The following CYP3A43 variants were observed in gnomAD, a reference collection of about 807,000 sequenced individuals.
The protein encoded by CYP3A43 is cytochrome P450 family 3 subfamily A member 43.
A neutral mutation model predicts 58.0 loss-of-function variants in CYP3A43; 45 were observed. The ratio of observed to expected loss-of-function variants is 0.78; its 90% CI spans 0.61 to 0.99. CYP3A43 has a LOEUF of 0.99. CYP3A43 is among the 50% of genes least tolerant of loss of function. The pLI is 0.00. For synonymous variants in CYP3A43, 191 were observed against 201.4 expected (o/e 0.95, Z 0.44); for missense variants, 593 against 591.9 (o/e 1.00, Z -0.02).
intron 10 of CYP3A43, 75 bp downstream of exon 10, chr7:99,860,065 G>C (rs986192640): frequency 6.0e-6 from 9 of 1,511,612 alleles, no homozygotes; most frequent in Non-Finnish European, 7.1e-6. Context: ...CACTTGCCAG[G>C]ACAATTTTTG....
At chr7:99,836,282 T>A (rs1161905488) in intron 1 of CYP3A43, among the ~76,000 whole-genome samples, 171 bp from the exon 2 acceptor site, 7 of 152,230 alleles carry the variant, frequency 4.6e-5, no homozygotes, top group Non-Finnish European at 1.0e-4. Flanking sequence ...CTCTGATTCC[T>A]TAAAATCCTG....
chr7:99,862,635 A>T (rs983272545), intron 11 of CYP3A43, among the ~76,000 whole-genome samples: 7 of 152,200 alleles, frequency 4.6e-5, no homozygotes, highest in African/African-American at 1.7e-4. Flanking sequence ...GAAATAGTTG[A>T]TATTTTCCCA....
At chr7:99,840,228 T>C (rs1426254908) in intron 3 of CYP3A43, among the ~76,000 whole-genome samples, 12 of 152,224 alleles carry the variant, frequency 7.9e-5, no homozygotes, top group Non-Finnish European at 1.8e-4. Context: ...AATTTTTTTC[T>C]GGCTCCTATA....
rs537563829 is a variant in CYP3A43, at chr7:99,834,876, T to TAAAA, written c.72-1575_72-1574insAAAA. Reference sequence around the variant, plus strand: ...GCGAAGTGAAGTTATTTTGTGGCATTAATTCCTTTGCCTCCCATGGCCACT... The same window carrying TAAAA: ...GCGAAGTGAAGTTATTTTGTGGCATTAAAAAATTCCTTTGCCTCCCATGGCCACT... On this transcript the variant is annotated intron_variant, in intron 1 of 12. Transcript: ENST00000354829. Among the ~76,000 whole-genome samples, 14 of 152,338 alleles carry TAAAA rather than the reference T, an allele frequency of 9.2e-5. No homozygotes were observed. In the South Asian group the frequency reaches 2.9e-3, roughly 32 times the overall value.
At position 99,862,448 on chromosome 7, in the gene CYP3A43, T is replaced by G. The variant is rs1818275056; in HGVS notation, c.1253+609T>G. Among the ~76,000 whole-genome samples, 4 of 152,150 alleles carry G rather than the reference T, an allele frequency of 2.6e-5. No homozygotes were observed. The South Asian group carries it at 8.3e-4, about 32-fold the overall frequency. On this transcript the variant is annotated intron_variant, in intron 11 of 12. Coordinates refer to ENST00000354829, the MANE Select transcript of CYP3A43 (RefSeq NM_057095.3). ...CAGAGGGAAGCAGAGGTTCTCCTGGTCCTGTTTGTGTCTGCAGTCCTGTGC... is the reference window on the plus strand; with the variant it reads ...CAGAGGGAAGCAGAGGTTCTCCTGGGCCTGTTTGTGTCTGCAGTCCTGTGC...
intron 8 of CYP3A43, 122 bp from the exon 9 acceptor site, chr7:99,856,711 C>A: frequency 2.1e-6 from 2 of 939,294 alleles, no homozygotes; most frequent in Non-Finnish European, 3.4e-6. Context: ...AGGCAACACC[C>A]ATTACACTTC....
chr7:99,839,991 G>T lies in CYP3A43; in HGVS notation c.218+819G>T, dbSNP rs142012790. On this transcript the variant is annotated intron_variant, in intron 3 of 12. Coordinates refer to ENST00000354829, the MANE Select transcript of CYP3A43 (RefSeq NM_057095.3). ...ACTGTAAATGGGGTGACAAAGATAA[G>T]GGAAGATGGGGCCTCCATGTTGAAC... Among the ~76,000 whole-genome samples the T allele has an allele frequency of 6.0e-4, 92 of 152,296 alleles. No individual in the cohort carries two copies. The East Asian group carries it at 0.013, about 22-fold the overall frequency.
intron 12 of CYP3A43, among the ~76,000 whole-genome samples, chr7:99,865,363 GAGA>G (rs1818403988): frequency 6.7e-6 from 1 of 148,642 alleles, no homozygotes; most frequent in South Asian, 2.1e-4. Context: ...TGGAAATCAA[GAGA>G]AGAAGTAAAA....
intron 2 of CYP3A43, among the ~76,000 whole-genome samples, chr7:99,837,457 G>T (rs376939785): frequency 6.6e-6 from 1 of 152,146 alleles, no homozygotes; most frequent in East Asian, 1.9e-4. Flanking sequence ...CCACAGTTGT[G>T]CTCCAGCTTC....
intron 1 of CYP3A43, among the ~76,000 whole-genome samples, chr7:99,834,903 G>C (rs796714676): frequency 6.6e-6 from 1 of 152,152 alleles, no homozygotes; most frequent in Non-Finnish European, 1.5e-5. Flanking sequence ...ATGGCCACTG[G>C]TCCCCCATAT....
chr7:99,837,939 C>T (rs928820181), intron 2 of CYP3A43, among the ~76,000 whole-genome samples: 1 of 152,210 alleles, frequency 6.6e-6, no homozygotes, highest in Non-Finnish European at 1.5e-5. Flanking sequence ...GATTCTAATT[C>T]TCCCAACTGA....
intron 3 of CYP3A43, among the ~76,000 whole-genome samples, chr7:99,841,948 A>T (rs144287500): frequency 1.4e-4 from 22 of 152,284 alleles, no homozygotes; most frequent in African/African-American, 4.8e-4. Context: ...CCACCTTCCC[A>T]GCCTCTCTCT....
At chr7:99,839,053 C>T in intron 2 of CYP3A43, 67 bp from the exon 3 acceptor site, 3 of 1,587,896 alleles carry the variant, frequency 1.9e-6, no homozygotes, top group East Asian at 2.2e-5. Context: ...ACTTTTTTGC[C>T]CTGGTTAAAT....
intron 4 of CYP3A43, among the ~76,000 whole-genome samples, chr7:99,847,068 G>A (rs1356303701): frequency 6.6e-6 from 1 of 151,988 alleles, no homozygotes; most frequent in Non-Finnish European, 1.5e-5. Context: ...CATGCTATAG[G>A]TGTATTAAAG....
chr7:99,863,450 C>T, intron 11 of CYP3A43, 87 bp from the exon 12 acceptor site: 1 of 1,226,954 alleles, frequency 8.2e-7, no homozygotes, highest in Non-Finnish European at 1.1e-6. Context: ...TCCTCGCCTC[C>T]CAAAAGCCAC....
intron 1 of CYP3A43, among the ~76,000 whole-genome samples, chr7:99,835,218 T>A (rs1260672303): frequency 1.3e-5 from 2 of 152,224 alleles, no homozygotes; most frequent in Non-Finnish European, 2.9e-5. Context: ...AAGGATTGCA[T>A]GTCTTTGTCT....
At chr7:99,837,474 C>A (rs1355160485) in intron 2 of CYP3A43, among the ~76,000 whole-genome samples, 1 of 152,126 alleles carries the variant, frequency 6.6e-6, no homozygotes. Flanking sequence ...CTTCTTCTCC[C>A]CAGGATGTAT....
At chr7:99,865,851 T>C in intron 12 of CYP3A43, 55 bp from the exon 13 acceptor site, 2 of 1,303,862 alleles carry the variant, frequency 1.5e-6, no homozygotes, top group Non-Finnish European at 2.1e-6. Context: ...ATTTTGCTTC[T>C]ATCTTTTCTT....
chr7:99,853,552 G>A (rs1315368060), intron 7 of CYP3A43, among the ~76,000 whole-genome samples: 1 of 151,884 alleles, frequency 6.6e-6, no homozygotes, highest in Non-Finnish European at 1.5e-5. Flanking sequence ...TTCTTTTGTG[G>A]TAAAATTTGA....
Sources: allele counts gnomAD v4.1 joint callset (sites outside exome capture counted in the v4.1 genomes callset), GRCh38; gene constraint gnomAD v4.1.1; transcripts MANE v1.5; gene names NCBI Gene and HGNC (gene_info 2026-07-23, HGNC 2026-07-21).